SSC4D: variants seen among roughly 807,000 people sequenced by gnomAD.
The protein encoded by SSC4D is scavenger receptor cysteine-rich domain-containing group B protein.
Under a neutral mutation model 63.4 loss-of-function variants are expected in SSC4D, and 57 were observed. That is an observed-to-expected ratio of 0.90 (90% confidence interval 0.73 to 1.12). SSC4D has a LOEUF of 1.12. Ranked by LOEUF, SSC4D falls within the 50% of genes most tolerant of loss-of-function variation. The pLI is 0.00. For missense variants in SSC4D, 791 were observed against 806.4 expected, an observed-to-expected ratio of 0.98 and a Z score of 0.23; for synonymous variants, 352 against 345.4, an observed-to-expected ratio of 1.02 and a Z score of -0.21.
At chr7:76,405,342 T>TCTTTCTTTC (rs1254961705) in intron 1 of SSC4D, among the ~76,000 whole-genome samples, 19 of 85,878 alleles carry the variant, frequency 2.2e-4, no homozygotes, top group Non-Finnish European at 2.8e-4. Context: ...TTTCTTTCTT[T>TCTTTCTTTC]TTTTTTTTTT....
At position 76,391,956 on chromosome 7, in the gene SSC4D, G is replaced by T. The variant is rs1361987554; in HGVS notation, c.1411+8C>A. 2.5e-6 allele frequency: 4 copies of T among 1,588,358 alleles called. No individual in the cohort carries two copies. Among genetic ancestry groups the T allele is most frequent in the Non-Finnish European group, 3.4e-6 (4 of 1,167,034 alleles). ...TCCACCCACTTTCAGGGGATTATGG[G>T]CACCTACCGTCCCTGGGCCGAGGAG... On this transcript the variant is annotated splice_region_variant and intron_variant, in intron 10 of 10. Transcript: ENST00000275560.
In SSC4D at chr7:76,405,350, T is replaced by C. The variant is rs1424622060; in HGVS notation, c.-66-845A>G. 2.1e-3 allele frequency among the ~76,000 whole-genome samples: 237 copies of C among 114,256 alleles called. 12 individuals are homozygous for C. The highest frequency in any genetic ancestry group is 6.8e-3 in the African/African-American group (217 of 31,702). The allele number at this position is 114,256 out of a possible 152,430, so 75.0% of individuals were successfully genotyped here. On this transcript the variant is annotated intron_variant, in intron 1 of 10. Transcript: ENST00000275560. ...TTCTTTCTTTCTTTCTTTTTTTTTTTTTTTTTTTTTTGGTAGAGAGGGTGT... is the reference window on the plus strand; with the variant it reads ...TTCTTTCTTTCTTTCTTTTTTTTTTCTTTTTTTTTTTGGTAGAGAGGGTGT...
At position 76,393,464 on chromosome 7, in the gene SSC4D, T is replaced by C. The variant is rs745406480; in HGVS notation, c.1274A>G (p.His425Arg). ...GTEARLSDCF[H>R]LGWGQHNCGH... ...GCAGTTGTGCTGGCCCCAGCCCAGG[T>C]GGAAGCAGTCGCTCAGGCGAGCCTC... The change falls in exon 9 of 11, where the codon CAC becomes CGC. Residue 425 changes from histidine to arginine, a missense_variant. Transcript: ENST00000275560. 5.9e-6 allele frequency: 9 copies of C among 1,536,554 alleles called. No individual in the cohort carries two copies. The East Asian group carries it at 2.0e-4, about 35-fold the overall frequency.
intron 3 of SSC4D, 62 bp from the exon 4 acceptor site, chr7:76,400,653 C>G: frequency 7.2e-7 from 1 of 1,382,174 alleles, no homozygotes; most frequent in Non-Finnish European, 9.5e-7. Context: ...CATGCCCACT[C>G]CAGGATGTCC....
chr7:76,401,804 T>G (rs543431721), intron 2 of SSC4D, among the ~76,000 whole-genome samples: 2 of 152,312 alleles, frequency 1.3e-5, no homozygotes, highest in East Asian at 3.9e-4. Flanking sequence ...CTGTTTCCTC[T>G]GAATTCCTGG....
At chr7:76,400,902 A>G (rs1804802381) in intron 3 of SSC4D, 106 bp downstream of exon 3, 2 of 1,435,832 alleles carry the variant, frequency 1.4e-6, no homozygotes. Context: ...GGGGGCATCT[A>G]GAGTCAAGGG....
chr7:76,400,169 C>T, intron 4 of SSC4D, 117 bp downstream of exon 4: 1 of 1,173,450 alleles, frequency 8.5e-7, no homozygotes. Flanking sequence ...ATTGTAGCCT[C>T]TGGCCTGATC....
At chr7:76,401,216 C>T (rs1804817593) in intron 2 of SSC4D, among the ~76,000 whole-genome samples, 173 bp from the exon 3 acceptor site, 1 of 152,066 alleles carries the variant, frequency 6.6e-6, no homozygotes, top group East Asian at 1.9e-4. Context: ...TCCTGATTGG[C>T]TTCCCTGCCT....
At chr7:76,393,972 G>A in intron 7 of SSC4D, 68 bp from the exon 8 acceptor site, 3 of 1,485,212 alleles carry the variant, frequency 2.0e-6, no homozygotes, top group Non-Finnish European at 1.8e-6. Context: ...AGCAGGGCAC[G>A]GGGACGCCTA....
rs1184890229 is a variant in SSC4D at position 76,400,571 on chromosome 7, G to A, written c.190C>T (p.Pro64Ser). Reference protein sequence around the residue: ...PFQELRLVGGPSRCRGRLEVM... With the variant: ...PFQELRLVGGSSRCRGRLEVM... Reference sequence around the variant, plus strand: ...TCCAGGCGGCCCCGGCAGCGGCTGGGGCCCCCCACCAGCCTCAGCTCTGTG... The same window carrying A: ...TCCAGGCGGCCCCGGCAGCGGCTGGAGCCCCCCACCAGCCTCAGCTCTGTG... The change falls in exon 4 of 11, where the codon CCC becomes TCC. Residue 64 changes from proline (P) to serine (S), a missense_variant. Transcript: ENST00000275560. The A allele has an allele frequency of 1.3e-6, 2 of 1,485,460 alleles. No individual in the cohort carries two copies. Among genetic ancestry groups the A allele is most frequent in the African/African-American group, 1.4e-5 (1 of 70,700 alleles). 92.0% of individuals were successfully genotyped at this position (1,485,460 alleles called of 1,614,324 possible).
At chr7:76,403,347 C>CTTTTTTTTTTTTTTTTTTTTTA (rs766899317) in intron 2 of SSC4D, among the ~76,000 whole-genome samples, 1 of 149,532 alleles carries the variant, frequency 6.7e-6, no homozygotes, top group African/African-American at 2.4e-5. Flanking sequence ...GACTCCACTT[C>CTTTTTTTTTTTTTTTTTTTTTA]TTTTTTTTGA....
In SSC4D at chr7:76,389,533, C is replaced by T. The variant is rs1563678157; in HGVS notation, c.*526G>A. ...CCAGTCCCCTTGTCCAGCCGAGCAC[C>T]ATCTGAGTTAGTCCAGGCCCTCGCG... On this transcript the variant is annotated 3_prime_UTR_variant, in exon 11 of 11. Transcript: ENST00000275560. 6.5e-6 allele frequency: 1 copy of T among 154,584 alleles called. No homozygotes were observed. Among genetic ancestry groups the T allele is most frequent in the African/African-American group, 2.4e-5 (1 of 41,456 alleles). 9.6% of individuals were successfully genotyped at this position (154,584 alleles called of 1,614,324 possible). A position where few individuals can be genotyped will look rare whatever the true frequency, so the allele number is the denominator to read the frequency against.
intron 9 of SSC4D, 130 bp downstream of exon 9, chr7:76,393,275 C>T: frequency 6.0e-6 from 6 of 997,336 alleles, no homozygotes; most frequent in Non-Finnish European, 7.7e-6. Flanking sequence ...GGGCGGCGCC[C>T]CTCTGCGGAG....
intron 7 of SSC4D, among the ~76,000 whole-genome samples, chr7:76,394,789 GAT>G (rs1491571548): frequency 1.9e-4 from 26 of 139,054 alleles, no homozygotes; most frequent in African/African-American, 5.7e-4. Flanking sequence ...TAATATATAT[GAT>G]ATATATAAAT....
Position 76,395,247 on chromosome 7 carries a change from C to G in SSC4D, c.946+6G>C. ...CCATTCCCGCCTGGAGGGCTGAGCT[C>G]TTTACCGGACGGATCTGTCTGCCAA... On this transcript the variant is annotated splice_donor_region_variant and intron_variant, in intron 7 of 10. Transcript: ENST00000275560. The G allele has an allele frequency of 6.2e-7, 1 of 1,613,734 alleles. No individual in the cohort carries two copies. The highest frequency in any genetic ancestry group is 8.5e-7 in the Non-Finnish European group (1 of 1,179,978).
intron 1 of SSC4D, among the ~76,000 whole-genome samples, chr7:76,405,309 A>G (rs61440534): frequency 1.9e-4 from 8 of 42,342 alleles, no homozygotes; most frequent in African/African-American, 5.8e-4. Context: ...ATATATATAT[A>G]TATATATGTA....
In SSC4D at chr7:76,390,333, C is replaced by G; in HGVS notation, c.1454G>C (p.Arg485Pro). Reference sequence around the variant, plus strand: ...CCGTTGCCCTAGGTAGAGCTCTACACGTCCCTCGCATCGGTGGGCTCCATT... The same window carrying G: ...CCGTTGCCCTAGGTAGAGCTCTACAGGTCCCTCGCATCGGTGGGCTCCATT... ...LVNGAHRCEG[R>P]VELYLGQRWG... The change falls in exon 11 of 11, where the codon CGT becomes CCT. Residue 485 changes from arginine (R) to proline (P), a missense_variant. Transcript: ENST00000275560. 6.2e-7 allele frequency: 1 copy of G among 1,608,888 alleles called. No homozygotes were observed. The highest frequency in any genetic ancestry group is 1.3e-5 in the African/African-American group (1 of 74,988).
chr7:76,392,810 A>T (rs547875471), intron 9 of SSC4D, among the ~76,000 whole-genome samples: 2 of 151,944 alleles, frequency 1.3e-5, no homozygotes, highest in East Asian at 3.9e-4. Flanking sequence ...AAAAAAAAAG[A>T]AATAGGTGTT....
intron 6 of SSC4D, among the ~76,000 whole-genome samples, chr7:76,396,642 G>C (rs1350072541): frequency 6.6e-6 from 1 of 152,188 alleles, no homozygotes; most frequent in Non-Finnish European, 1.5e-5. Flanking sequence ...TGCATTAACT[G>C]TGTGACCATG....
Sources: allele counts gnomAD v4.1 joint callset (sites outside exome capture counted in the v4.1 genomes callset), GRCh38; gene constraint gnomAD v4.1.1; transcripts MANE v1.5; gene names NCBI Gene and HGNC (gene_info 2026-07-23, HGNC 2026-07-21).